Variants in TAOK3 observed in about 807,000 individuals in gnomAD.
TAOK3 encodes serine/threonine-protein kinase TAO3.
Under a neutral mutation model 120.4 loss-of-function variants are expected in TAOK3, and 40 were observed. That is an observed-to-expected ratio of 0.33 (90% CI 0.26 to 0.43). The LOEUF is 0.43. TAOK3 is among the 20% of genes least tolerant of loss of function. TAOK3 has a pLI of 1.00. For missense variants in TAOK3, 821 were observed against 1,112.1 expected (o/e 0.74, Z 3.72); for synonymous variants, 355 against 387.5 (o/e 0.92, Z 0.99).
At chr12:118,168,287 T>C (rs1220300295) in intron 17 of TAOK3, among the ~76,000 whole-genome samples, 6 of 152,212 alleles carry the variant, frequency 3.9e-5, no homozygotes, top group Non-Finnish European at 4.4e-5. Context: ...GTTAACAATG[T>C]TGTATTACAT....
intron 17 of TAOK3, 114 bp downstream of exon 17, chr12:118,172,343 T>G: frequency 8.6e-7 from 1 of 1,159,588 alleles, no homozygotes. Context: ...GCCACTGTGC[T>G]AAAAGGCTAG....
At chr12:118,244,801 T>C in intron 4 of TAOK3, 93 bp downstream of exon 4, 1 of 866,608 alleles carries the variant, frequency 1.2e-6, no homozygotes, top group Non-Finnish European at 1.9e-6. Flanking sequence ...GTGCTGGGAT[T>C]ACAGGCGTGA....
chr12:118,359,551 T>C (rs576265745), intron 1 of TAOK3: 1 of 152,350 alleles, frequency 6.6e-6, no homozygotes, highest in East Asian at 1.9e-4. Flanking sequence ...AAGGCAACCA[T>C]TCTCATTTTA....
intron 1 of TAOK3, among the ~76,000 whole-genome samples, chr12:118,271,832 A>G (rs2041710822): frequency 6.6e-6 from 1 of 152,210 alleles, no homozygotes; most frequent in South Asian, 2.1e-4. Context: ...ATAAACAAGA[A>G]TATTTTTTCT....
At chr12:118,365,362 A>G (rs1468124643) in intron 1 of TAOK3, among the ~76,000 whole-genome samples, 4 of 147,802 alleles carry the variant, frequency 2.7e-5, no homozygotes, top group South Asian at 2.2e-4. Context: ...CCTCCTGAGG[A>G]GCTGGGATTA....
chr12:118,162,254 C>A (rs2035269178), intron 17 of TAOK3, among the ~76,000 whole-genome samples: 1 of 152,218 alleles, frequency 6.6e-6, no homozygotes, highest in African/African-American at 2.4e-5. Flanking sequence ...ACAGCAATCA[C>A]TACTGTACTC....
intron 13 of TAOK3, among the ~76,000 whole-genome samples, chr12:118,193,810 T>C (rs1362894607): frequency 1.3e-5 from 2 of 152,192 alleles, no homozygotes; most frequent in Non-Finnish European, 2.9e-5. Context: ...CTGGACTCAG[T>C]TGTGCTTTGG....
chr12:118,205,119 G>A (rs957742106), intron 11 of TAOK3, among the ~76,000 whole-genome samples: 1 of 151,908 alleles, frequency 6.6e-6, no homozygotes, highest in Non-Finnish European at 1.5e-5. Flanking sequence ...GAAGTGAGCC[G>A]AGATCATGCC....
intron 9 of TAOK3, among the ~76,000 whole-genome samples, chr12:118,223,765 TC>T (rs1335009691): frequency 6.6e-6 from 1 of 151,082 alleles, no homozygotes; most frequent in East Asian, 2.0e-4. Context: ...TGCATCAGCC[TC>T]CCAAGTAGCT....
chr12:118,235,570 C>T lies in TAOK3; in HGVS notation c.539G>A (p.Gly180Asp). 1 of 1,613,014 alleles carries T rather than the reference C, an allele frequency of 6.2e-7. No homozygotes were observed. Among genetic ancestry groups the T allele is most frequent in the Non-Finnish European group, 8.5e-7 (1 of 1,179,278 alleles). The change falls in exon 8 of 21, where the codon GGC (glycine) becomes GAC (aspartate). Residue 180 changes from glycine to aspartate, a missense_variant. Physicochemically the swap from Gly to Asp is moderately conservative, Grantham distance 94 (BLOSUM62 -1). Around this residue, in one of 2 missense-constraint regions of TAOK3, gnomAD observed 467 missense variants for 540.0 expected, o/e 0.86. Transcript: ENST00000392533. ...TAATTCTACATACCAGTAAGGTGTG[C>T]CCACGAAGGAGTTGGCAGGAGAAGC... ...SMASPANSFV[G>D]TPYWMAPEVI... is the part of the protein sequence containing the mutation.
chr12:118,331,603 C>T (rs563311308), intron 1 of TAOK3, among the ~76,000 whole-genome samples: 15 of 144,956 alleles, frequency 1.0e-4, no homozygotes, highest in Non-Finnish European at 1.3e-4. Context: ...CAAGAACATA[C>T]CACTGCACTC....
chr12:118,202,635 A>T (rs2038080834), intron 11 of TAOK3, among the ~76,000 whole-genome samples: 1 of 152,104 alleles, frequency 6.6e-6, no homozygotes, highest in Non-Finnish European at 1.5e-5. Context: ...GTATCTTTTC[A>T]TATAAGAATT....
At chr12:118,335,909 T>A (rs954875239) in intron 1 of TAOK3, among the ~76,000 whole-genome samples, 3 of 152,178 alleles carry the variant, frequency 2.0e-5, no homozygotes, top group Non-Finnish European at 4.4e-5. Flanking sequence ...AACATGTCTA[T>A]AAATATTCAT....
At chr12:118,297,630 C>T (rs1372599689) in intron 1 of TAOK3, among the ~76,000 whole-genome samples, 3 of 152,116 alleles carry the variant, frequency 2.0e-5, no homozygotes, top group Non-Finnish European at 4.4e-5. Context: ...TATTGTTTCT[C>T]TCCTGTCTGT....
chr12:118,182,269 T>C (rs541189409), intron 14 of TAOK3, among the ~76,000 whole-genome samples: 1 of 152,226 alleles, frequency 6.6e-6, no homozygotes, highest in East Asian at 1.9e-4. Flanking sequence ...ATATTACATG[T>C]TCACATTAAC....
intron 9 of TAOK3, among the ~76,000 whole-genome samples, chr12:118,228,877 G>A (rs2039630804): frequency 6.6e-6 from 1 of 152,080 alleles, no homozygotes; most frequent in Non-Finnish European, 1.5e-5. Context: ...TCTGATGTTT[G>A]TTTTCCATTT....
intron 17 of TAOK3, among the ~76,000 whole-genome samples, chr12:118,166,814 G>GTATATATATATATATACA (rs535817182): frequency 7.2e-6 from 1 of 138,982 alleles, no homozygotes; most frequent in Admixed American, 7.2e-5. Context: ...GTGTGTGTGT[G>GTATATATATATATATACA]TATATATATA....
At chr12:118,267,505 G>A (rs1179052562) in intron 1 of TAOK3, among the ~76,000 whole-genome samples, 4 of 149,440 alleles carry the variant, frequency 2.7e-5, no homozygotes, top group Admixed American at 1.3e-4. Flanking sequence ...GTGAGCCACC[G>A]CGCCCGGCTG....
chr12:118,253,761 A>AC (rs2040860043), intron 3 of TAOK3, among the ~76,000 whole-genome samples: 1 of 147,926 alleles, frequency 6.8e-6, no homozygotes, highest in Non-Finnish European at 1.5e-5. Context: ...CAAACAAAAA[A>AC]AAAAAAACAG....
Sources: allele counts gnomAD v4.1 joint callset (sites outside exome capture counted in the v4.1 genomes callset), GRCh38; gene constraint gnomAD v4.1.1; regional missense constraint gnomAD v4.1.1; transcripts MANE v1.5; gene names NCBI Gene and HGNC (gene_info 2026-07-23, HGNC 2026-07-21).